Variants in CDH4 observed in about 807,000 individuals in gnomAD.
CDH4 encodes the protein cadherin-4.
A neutral mutation model predicts 86.0 loss-of-function variants in CDH4; 33 were observed. That is an observed-to-expected ratio of 0.38 (90% CI 0.29 to 0.51). The LOEUF (loss-of-function observed/expected upper bound fraction) is 0.51. Among genes scored for constraint, CDH4 ranks in the 20% least tolerant of loss-of-function variants. The pLI is 0.86. For synonymous variants in CDH4, 555 were observed against 549.4 expected (o/e 1.01, Z -0.14); for missense variants, 1,114 against 1,307.4 (o/e 0.85, Z 2.28).
intron 2 of CDH4, among the ~76,000 whole-genome samples, chr20:61,340,407 G>A (rs35845475): frequency 0.13 from 20,022 of 152,114 alleles, 1,702 homozygotes; most frequent in East Asian, 0.32. Context: ...AATAAACCAA[G>A]TCCGGTGTCC....
chr20:61,838,375 T>C (rs1266512463), intron 4 of CDH4, among the ~76,000 whole-genome samples: 1 of 152,002 alleles, frequency 6.6e-6, no homozygotes, highest in African/African-American at 2.4e-5. Flanking sequence ...ACAGAAACCC[T>C]GAGAAAACTC....
At chr20:61,573,132 G>T (rs1251187479) in intron 2 of CDH4, among the ~76,000 whole-genome samples, 2 of 152,132 alleles carry the variant, frequency 1.3e-5, no homozygotes, top group Admixed American at 6.5e-5. Context: ...CCCTTTGCAG[G>T]TCCTACCCCT....
intron 4 of CDH4, among the ~76,000 whole-genome samples, chr20:61,813,427 C>A (rs185461908): frequency 1.2e-4 from 19 of 152,322 alleles, no homozygotes; most frequent in Non-Finnish European, 2.2e-4. Flanking sequence ...AGTGAGCATC[C>A]CTGTGAGGAC....
At position 61,830,355 on chromosome 20, in the gene CDH4, G is replaced by A. The variant is rs559626512; in HGVS notation, c.577-14313G>A. Among the ~76,000 whole-genome samples, 104 of 152,208 alleles carry A rather than the reference G, an allele frequency of 6.8e-4. 1 individual carries two copies. The highest frequency in any genetic ancestry group is 2.3e-3 in the African/African-American group (96 of 41,536). On this transcript the variant is annotated intron_variant, in intron 4 of 15. Coordinates refer to ENST00000614565, the MANE Select transcript of CDH4 (RefSeq NM_001794.5). ...GCCTCAGAGACAGCAGGCCCTAAGC[G>A]TGCTTCCCCGGGACCCTCCCTGGGC...
intron 3 of CDH4, among the ~76,000 whole-genome samples, chr20:61,764,600 C>T (rs2088677202): frequency 6.6e-6 from 1 of 152,082 alleles, no homozygotes; most frequent in Non-Finnish European, 1.5e-5. Flanking sequence ...CCACTGGAGC[C>T]CAGGCTGTCA....
intron 2 of CDH4, chr20:61,370,944 T>G (rs1486561815): frequency 1.3e-5 from 2 of 152,222 alleles, no homozygotes; most frequent in African/African-American, 4.8e-5. Context: ...CCCGCGCCGT[T>G]TGTCCTCCCG....
At chr20:61,257,663 C>T (rs2084106179) in intron 2 of CDH4, among the ~76,000 whole-genome samples, 1 of 152,254 alleles carries the variant, frequency 6.6e-6, no homozygotes, top group Non-Finnish European at 1.5e-5. Context: ...ACGGTGAAGC[C>T]GTTTGCCTTA....
Position 61,518,925 on chromosome 20 carries a change from CTCATTCATCCA to C in CDH4, c.170-224629_170-224619del, listed in dbSNP as rs2085847209. On this transcript the variant is annotated intron_variant, in intron 2 of 15. Transcript: ENST00000614565. The surrounding 1 kb of genome is among the most constrained non-coding windows in gnomAD (Gnocchi z 6.3). Reference sequence around the variant, plus strand: ...ATCCATCATTCATTCATCTACCCACCTCATTCATCCATCATTCATTCATCTATCCATCCATT... The same window carrying C: ...ATCCATCATTCATTCATCTACCCACCTCATTCATTCATCTATCCATCCATT... Among the ~76,000 whole-genome samples the C allele has an allele frequency of 6.6e-6, 1 of 151,904 alleles. No homozygotes were observed. Among genetic ancestry groups the C allele is most frequent in the Non-Finnish European group, 1.5e-5 (1 of 67,998 alleles).
intron 3 of CDH4, among the ~76,000 whole-genome samples, chr20:61,772,318 C>T (rs370026201): frequency 1.9e-4 from 29 of 152,326 alleles, no homozygotes; most frequent in African/African-American, 2.9e-4. Flanking sequence ...TGACTCACTG[C>T]GCACCCCCAG....
intron 5 of CDH4, among the ~76,000 whole-genome samples, chr20:61,849,449 G>A (rs1211382067): frequency 6.6e-6 from 1 of 152,224 alleles, no homozygotes; most frequent in Non-Finnish European, 1.5e-5. Flanking sequence ...GTCCAGATGG[G>A]CTTGGCTTGT....
chr20:61,442,929 A>T (rs2085322068), intron 2 of CDH4, among the ~76,000 whole-genome samples: 1 of 152,190 alleles, frequency 6.6e-6, no homozygotes, highest in African/African-American at 2.4e-5. Context: ...GTTGTTTAAC[A>T]GTGTCCCTGG....
intron 2 of CDH4, among the ~76,000 whole-genome samples, chr20:61,521,281 C>A (rs1282534570): frequency 1.3e-5 from 2 of 152,188 alleles, no homozygotes; most frequent in Non-Finnish European, 2.9e-5. Context: ...GTGACAGGAA[C>A]GGCCTCTGAG....
At chr20:61,413,453 G>A in intron 2 of CDH4, among the ~76,000 whole-genome samples, 1 of 152,146 alleles carries the variant, frequency 6.6e-6, no homozygotes. Context: ...TGCCTAGCTG[G>A]TGACCTGAGT....
At chr20:61,616,771 G>A (rs2086728301) in intron 2 of CDH4, among the ~76,000 whole-genome samples, 1 of 152,192 alleles carries the variant, frequency 6.6e-6, no homozygotes, top group Non-Finnish European at 1.5e-5. Context: ...CTCTCCAAAT[G>A]TTCTTGATTT....
At chr20:61,660,620 G>A (rs6142824) in intron 2 of CDH4, among the ~76,000 whole-genome samples, 21,871 of 152,070 alleles carry the variant, frequency 0.14, 1,897 homozygotes, top group South Asian at 0.27. Flanking sequence ...GGTCGTTCCC[G>A]GCAGGACCTG....
Position 61,773,166 on chromosome 20 carries a change from C to T in CDH4, c.560C>T (p.Pro187Leu). 2 of 1,576,868 alleles carry T rather than the reference C, an allele frequency of 1.3e-6. No individual in the cohort carries two copies. Among genetic ancestry groups the T allele is most frequent in the Non-Finnish European group, 1.7e-6 (2 of 1,161,494 alleles). The change falls in exon 4 of 16, where the codon CCG becomes CTG. Residue 187 changes from proline to leucine, a missense_variant. This residue lies in a region of CDH4 where 705 missense variants were observed against 914.1 expected (regional missense o/e 0.77). Coordinates refer to ENST00000614565, the MANE Select transcript of CDH4 (RefSeq NM_001794.5). ...CCCGAGAACTCGCGCGGGCCCTTCC[C>T]GCAGCAGCTCGTGAGGGTGAGTGCA... ...NVPENSRGPF[P>L]QQLVRIRSDK...
At chr20:61,577,554 C>T (rs207477698) in intron 2 of CDH4, among the ~76,000 whole-genome samples, 1 of 152,148 alleles carries the variant, frequency 6.6e-6, no homozygotes, top group Admixed American at 6.5e-5. Context: ...GGAAAAGACT[C>T]AATCATGGTC....
chr20:61,666,545 G>A (rs117977375), intron 2 of CDH4, among the ~76,000 whole-genome samples: 17 of 152,290 alleles, frequency 1.1e-4, no homozygotes, highest in Non-Finnish European at 2.4e-4. Context: ...GCTGGCCGAG[G>A]TCCACTGAAT....
intron 2 of CDH4, among the ~76,000 whole-genome samples, chr20:61,458,831 T>C (rs1472706513): frequency 1.3e-5 from 2 of 151,988 alleles, no homozygotes; most frequent in African/African-American, 4.8e-5. Context: ...GCAGAGTCAG[T>C]GGAACGATCC....
Sources: gnomAD v4.1 joint callset for allele counts (sites outside exome capture counted in the v4.1 genomes callset) on GRCh38, gnomAD v4.1.1 for gene constraint, gnomAD v4.1.1 regional missense constraint, Gnocchi (gnomAD v3.1) non-coding constraint, MANE v1.5 for transcripts, NCBI Gene and HGNC (gene_info 2026-07-23, HGNC 2026-07-21) for gene names.